ADAP1: variants seen among roughly 807,000 people sequenced by gnomAD.
The protein encoded by ADAP1 is arf-GAP with dual PH domain-containing protein 1.
Under a neutral mutation model 54.9 loss-of-function variants are expected in ADAP1, and 31 were observed. That is an observed-to-expected ratio of 0.56 (90% CI 0.42 to 0.76). The LOEUF is 0.76. ADAP1 is among the 30% of genes least tolerant of loss of function. The pLI is 0.00. For missense variants in ADAP1, 535 were observed against 512.4 expected (o/e 1.04, Z -0.42); for synonymous variants, 313 against 202.6 (o/e 1.55, Z -4.63).
rs73254055 is a variant in ADAP1 at position 928,936 on chromosome 7, G to A, written c.214-2292C>T. On this transcript the variant is annotated intron_variant, in intron 2 of 10. Coordinates refer to ENST00000265846, the MANE Select transcript of ADAP1 (RefSeq NM_006869.4). ...GAGAACGGGAACAAGCCCCAGCTCC[G>A]TGAACGGAACCACAGATAAACTAAA... 8.0e-3 allele frequency among the ~76,000 whole-genome samples: 1,223 copies of A among 152,338 alleles called. 26 individuals are homozygous for A. The highest frequency in any genetic ancestry group is 0.027 in the African/African-American group (1,142 of 41,580).
At chr7:929,710 A>G (rs938910763) in intron 2 of ADAP1, among the ~76,000 whole-genome samples, 1 of 152,058 alleles carries the variant, frequency 6.6e-6, no homozygotes, top group Non-Finnish European at 1.5e-5. Flanking sequence ...GACAGTGGTG[A>G]TGGTCGTGCA....
chr7:931,751 A>T lies in ADAP1; in HGVS notation c.213+3624T>A, dbSNP rs1176450898. Among the ~76,000 whole-genome samples, 11 of 148,886 alleles carry T rather than the reference A, an allele frequency of 7.4e-5. No individual in the cohort carries two copies. In the East Asian group the frequency reaches 2.1e-3, roughly 29 times the overall value. On this transcript the variant is annotated intron_variant, in intron 2 of 10. Transcript: ENST00000265846. ...GGAAGCAGTTGTTTTAAAAGGTATT[A>T]TCAAGGAATAGAAAGTAGGGAGAAA...
chr7:906,586 G>A (rs1845376299), intron 4 of ADAP1, among the ~76,000 whole-genome samples: 1 of 34,616 alleles, frequency 2.9e-5, no homozygotes, highest in South Asian at 9.6e-4. Flanking sequence ...AAAGGAGAAA[G>A]GAGAAAGGAG....
In ADAP1 at chr7:920,237, A is replaced by G. The variant is rs533460756; in HGVS notation, c.306-187T>C. Among the ~76,000 whole-genome samples, 1 of 151,756 alleles carries G rather than the reference A, an allele frequency of 6.6e-6. No homozygotes were observed. Among genetic ancestry groups the G allele is most frequent in the East Asian group, 2.0e-4 (1 of 5,112 alleles). ...CAGCCTCCTGCCCGGGACGCTTCTC[A>G]CTCTGATATTAGTTTATTGGTTTCT... is the stretch of plus-strand genomic sequence containing the variant. On this transcript the variant is annotated intron_variant, in intron 3 of 10. Transcript: ENST00000265846. This position sits in a 1 kb window ranked among gnomAD's most constrained non-coding sequence, Gnocchi z 4.5.
chr7:905,769 GGAGAAAGGAGAAAGGAGAAAGGAGAAA>G (rs1845220483), intron 4 of ADAP1, among the ~76,000 whole-genome samples: 6 of 64,402 alleles, frequency 9.3e-5, no homozygotes, highest in South Asian at 5.0e-4. Flanking sequence ...AAGGGAGAAA[GGAGAAAGGAGAAAGGAGAAAGGAGAAA>G]GGAGAAAGGA....
At chr7:927,327 G>T in intron 2 of ADAP1, 1 of 1,049,884 alleles carries the variant, frequency 9.5e-7, no homozygotes. Context: ...GGCCCTGAGG[G>T]TGGACGCTGG....
At chr7:908,202 C>G (rs1166089046) in intron 4 of ADAP1, among the ~76,000 whole-genome samples, 1 of 152,166 alleles carries the variant, frequency 6.6e-6, no homozygotes, top group Admixed American at 6.5e-5. Flanking sequence ...GCCAACAGGC[C>G]AGACAGAGGC....
At chr7:911,436 AC>A (rs1436697231) in intron 4 of ADAP1, among the ~76,000 whole-genome samples, 1 of 151,690 alleles carries the variant, frequency 6.6e-6, no homozygotes, top group Non-Finnish European at 1.5e-5. Flanking sequence ...GCCCCAGGGT[AC>A]CCCCCTCCCC....
At chr7:917,332 A>G (rs1583156314) in intron 4 of ADAP1, among the ~76,000 whole-genome samples, 1 of 25,860 alleles carries the variant, frequency 3.9e-5, no homozygotes, top group Admixed American at 4.0e-4. Context: ...TCTACCGGGG[A>G]GGTGCACGGG....
At chr7:911,189 TC>T (rs1314874462) in intron 4 of ADAP1, among the ~76,000 whole-genome samples, 1 of 152,128 alleles carries the variant, frequency 6.6e-6, no homozygotes, top group East Asian at 1.9e-4. Flanking sequence ...GCTTCCCTGT[TC>T]CCAGGGGTGA....
chr7:906,120 AG>A (rs558230988), intron 4 of ADAP1, among the ~76,000 whole-genome samples: 9 of 7,488 alleles, frequency 1.2e-3, no homozygotes, highest in Admixed American at 1.5e-3. Flanking sequence ...GAAAGGAGAA[AG>A]GGAGAAAGGA....
chr7:935,027 C>G (rs1846704503), intron 2 of ADAP1: 2 of 411,708 alleles, frequency 4.9e-6, no homozygotes, highest in South Asian at 3.6e-5. Context: ...TCCTTAGAGA[C>G]AGGGTCTCTT....
chr7:920,012 C>T lies in ADAP1; in HGVS notation c.344G>A (p.Arg115Gln), dbSNP rs369529776. ...REQWIRAKYE[R>Q]QEFIYPEKQE... ...CTTCTCCGGGTAGATGAACTCCTGTCGCTCGTACTTGGCCCGGATCCACTG... is the reference window on the plus strand; with the variant it reads ...CTTCTCCGGGTAGATGAACTCCTGTTGCTCGTACTTGGCCCGGATCCACTG... The change falls in exon 4 of 11, where the codon CGA (arginine) becomes CAA (glutamine). Residue 115 changes from arginine (R) to glutamine (Q), a missense_variant. Arg to Gln is a conservative substitution (Grantham distance 43). Coordinates refer to ENST00000265846, the MANE Select transcript of ADAP1 (RefSeq NM_006869.4). The surrounding 1 kb of genome is among the most constrained non-coding windows in gnomAD (Gnocchi z 4.5). The T allele has an allele frequency of 3.7e-6, 6 of 1,607,904 alleles. No individual in the cohort carries two copies. The highest frequency in any genetic ancestry group is 5.1e-6 in the Non-Finnish European group (6 of 1,179,584).
chr7:907,155 C>T (rs979548988), intron 4 of ADAP1, among the ~76,000 whole-genome samples: 10 of 152,158 alleles, frequency 6.6e-5, no homozygotes, highest in African/African-American at 1.4e-4. Context: ...CCCTCATCTC[C>T]GCCTGTGGCC....
rs987626271 is a variant in ADAP1, at chr7:898,041, G to C, written c.*880C>G. 1 of 152,288 alleles carries C rather than the reference G, an allele frequency of 6.6e-6. No individual in the cohort carries two copies. Among genetic ancestry groups the C allele is most frequent in the Non-Finnish European group, 1.5e-5 (1 of 68,092 alleles). The allele number at this position is 152,288 out of a possible 1,614,324, so 9.4% of individuals were successfully genotyped here. ...GCTCAGCCAGGCAAGGCTGGGAGAG[G>C]GCTGGGCCCCCCAGGTGACCTGCAG... On this transcript the variant is annotated 3_prime_UTR_variant, in exon 11 of 11. Transcript: ENST00000265846.
At chr7:919,805 G>GGGA (rs1554274819) in intron 4 of ADAP1, among the ~76,000 whole-genome samples, 163 bp downstream of exon 4, 1 of 10,258 alleles carries the variant, frequency 9.7e-5, no homozygotes, top group African/African-American at 7.5e-4. Flanking sequence ...AGGGAGATGG[G>GGGA]GGGAGGGAGG....
At chr7:906,757 GACA>G (rs60083301) in intron 4 of ADAP1, among the ~76,000 whole-genome samples, 15,646 of 44,034 alleles carry the variant, frequency 0.36, 2,202 homozygotes, top group South Asian at 0.42. Flanking sequence ...AGGGGACATG[GACA>G]GGGGACATGG....
At position 926,855 on chromosome 7, in the gene ADAP1, G is replaced by C; in HGVS notation, c.214-211C>G. On this transcript the variant is annotated intron_variant, in intron 2 of 10. Coordinates refer to ENST00000265846, the MANE Select transcript of ADAP1 (RefSeq NM_006869.4). The surrounding 1 kb of genome is among the most constrained non-coding windows in gnomAD (Gnocchi z 4.6). ...CCCCTGGGACAGGGAAGGAGCCAGC[G>C]TCCCTAACGACGGGGTCCCGGCAAA... The C allele has an allele frequency of 1.2e-6, 1 of 803,194 alleles. No homozygotes were observed. Among genetic ancestry groups the C allele is most frequent in the Non-Finnish European group, 1.8e-6 (1 of 541,788 alleles). 49.8% of individuals were successfully genotyped at this position (803,194 alleles called of 1,614,324 possible). A position where few individuals can be genotyped will look rare whatever the true frequency, so the allele number is the denominator to read the frequency against.
rs560242804 is a variant in ADAP1, at chr7:914,347, C to T, written c.388+5621G>A. ...ATATTTCCCTGTGGTCGTGAGGTGT[C>T]GCCACTGCCGTGATAAAGGGCTCTG... On this transcript the variant is annotated intron_variant, in intron 4 of 10. Coordinates refer to ENST00000265846, the MANE Select transcript of ADAP1 (RefSeq NM_006869.4). Among the ~76,000 whole-genome samples the T allele has an allele frequency of 2.0e-5, 3 of 152,302 alleles. No individual in the cohort carries two copies. The South Asian group carries it at 6.2e-4, about 32-fold the overall frequency.
Sources: allele counts gnomAD v4.1 joint callset (sites outside exome capture counted in the v4.1 genomes callset), GRCh38; gene constraint gnomAD v4.1.1; non-coding constraint Gnocchi (gnomAD v3.1); transcripts MANE v1.5; gene names NCBI Gene and HGNC (gene_info 2026-07-23, HGNC 2026-07-21).